Variants in PHACTR3 observed in about 807,000 individuals in gnomAD.
The protein encoded by PHACTR3 is phosphatase and actin regulator 3, also known as protein phosphatase 1, regulatory subunit 123.
In PHACTR3, 16 loss-of-function variants were observed where a neutral mutation model predicts 66.8. The observed-to-expected ratio is 0.24, with a 90% CI of 0.16 to 0.36. The LOEUF is 0.36. Among genes scored for constraint, PHACTR3 ranks in the 10% least tolerant of loss-of-function variants. PHACTR3 has a pLI of 1.00. For synonymous variants in PHACTR3, 323 were observed against 292.1 expected, an observed-to-expected ratio of 1.11 and a Z score of -1.08; for missense variants, 647 against 719.9, an observed-to-expected ratio of 0.90 and a Z score of 1.16.
intron 1 of PHACTR3, among the ~76,000 whole-genome samples, chr20:59,695,701 A>T (rs1272639425): frequency 6.6e-6 from 1 of 151,356 alleles, no homozygotes; most frequent in Admixed American, 6.6e-5. Context: ...GAAAATGGGG[A>T]GAGTAAGAGT....
intron 1 of PHACTR3, among the ~76,000 whole-genome samples, chr20:59,710,797 A>G (rs1202265162): frequency 6.6e-6 from 1 of 151,430 alleles, no homozygotes; most frequent in Non-Finnish European, 1.5e-5. Flanking sequence ...ATGTTCCTGC[A>G]TCATACCTTC....
rs117898793 is a variant in PHACTR3 at position 59,753,771 on chromosome 20, G to A, written c.359-1411G>A. The stretch of plus-strand genomic sequence containing the variant: ...GCACAAAACACCGTTTGCAGGTGGT[G>A]GGACGCATGATGGGGTGACTGTATA... On this transcript the variant is annotated intron_variant, in intron 3 of 12. Coordinates refer to ENST00000371015, the MANE Select transcript of PHACTR3 (RefSeq NM_080672.5). Among the ~76,000 whole-genome samples, 201 of 152,340 alleles carry A rather than the reference G, an allele frequency of 1.3e-3. 4 individuals carry two copies. The East Asian group carries it at 0.037, about 28-fold the overall frequency.
chr20:59,731,975 A>T (rs2038781628), intron 1 of PHACTR3, among the ~76,000 whole-genome samples: 3 of 152,188 alleles, frequency 2.0e-5, no homozygotes, highest in Admixed American at 6.5e-5. Flanking sequence ...AAACTATTTG[A>T]CAGCTTTTGT....
At chr20:59,749,827 ATTTTT>A (rs565191503) in intron 3 of PHACTR3, among the ~76,000 whole-genome samples, 1 of 151,318 alleles carries the variant, frequency 6.6e-6, no homozygotes, top group Admixed American at 6.6e-5. Flanking sequence ...TTTTCTTTTG[ATTTTT>A]TTTTCTTTTG....
intron 1 of PHACTR3, among the ~76,000 whole-genome samples, chr20:59,693,308 G>A (rs1045676818): frequency 6.6e-6 from 1 of 152,132 alleles, no homozygotes; most frequent in Admixed American, 6.5e-5. Flanking sequence ...TCTTCTCTTT[G>A]TTCTGGGAAT....
At chr20:59,747,908 CAGG>C in intron 3 of PHACTR3, 73 bp downstream of exon 3, 1 of 1,487,514 alleles carries the variant, frequency 6.7e-7, no homozygotes, top group Non-Finnish European at 9.3e-7. Context: ...CACATGAGCC[CAGG>C]AAGCCCATCA....
intron 1 of PHACTR3, among the ~76,000 whole-genome samples, chr20:59,590,537 C>A (rs6123917): frequency 0.037 from 5,604 of 152,202 alleles, 233 homozygotes; most frequent in East Asian, 0.2. Flanking sequence ...TTATTCTTTT[C>A]TTCACTGGGG....
chr20:59,769,176 A>T (rs1182354163), intron 5 of PHACTR3, among the ~76,000 whole-genome samples: 1 of 152,192 alleles, frequency 6.6e-6, no homozygotes, highest in African/African-American at 2.4e-5. Flanking sequence ...TTGACCTCAT[A>T]GCACCATGCG....
intron 9 of PHACTR3, 25 bp downstream of exon 9, chr20:59,836,585 A>G: frequency 1.9e-6 from 3 of 1,605,742 alleles, no homozygotes; most frequent in Non-Finnish European, 2.6e-6. Flanking sequence ...ATTCCTCTAG[A>G]GGTTTTCCTT....
intron 5 of PHACTR3, among the ~76,000 whole-genome samples, chr20:59,769,214 C>T (rs774267302): frequency 2.6e-5 from 4 of 152,238 alleles, no homozygotes; most frequent in African/African-American, 4.8e-5. Flanking sequence ...TACCACATTG[C>T]CCCACCTTGT....
chr20:59,632,008 C>T (rs1416121545), intron 1 of PHACTR3, among the ~76,000 whole-genome samples: 4 of 152,226 alleles, frequency 2.6e-5, no homozygotes, highest in Admixed American at 6.5e-5. Context: ...TGGAGTGTCC[C>T]TGCTTCTGAA....
chr20:59,606,397 T>C (rs1390907980), intron 1 of PHACTR3, among the ~76,000 whole-genome samples: 1 of 151,898 alleles, frequency 6.6e-6, no homozygotes, highest in Non-Finnish European at 1.5e-5. Flanking sequence ...TTGGTCAAAC[T>C]AAGGTACCGG....
At chr20:59,781,670 C>T (rs151085313) in intron 7 of PHACTR3, among the ~76,000 whole-genome samples, 67 of 152,266 alleles carry the variant, frequency 4.4e-4, no homozygotes, top group Non-Finnish European at 5.4e-4. Context: ...ATTAGGGGTA[C>T]CATGCTAATA....
intron 1 of PHACTR3, among the ~76,000 whole-genome samples, chr20:59,634,795 C>T (rs1239758525): frequency 6.6e-6 from 1 of 152,234 alleles, no homozygotes; most frequent in East Asian, 1.9e-4. Context: ...CCCGGGATTG[C>T]GCCGCTGGCC....
At chr20:59,758,142 G>A (rs1236391837) in intron 4 of PHACTR3, among the ~76,000 whole-genome samples, 1 of 152,072 alleles carries the variant, frequency 6.6e-6, no homozygotes, top group African/African-American at 2.4e-5. Flanking sequence ...GCCGTGCATG[G>A]TTCCCTGGGG....
At chr20:59,817,810 T>G (rs1447082480) in intron 8 of PHACTR3, among the ~76,000 whole-genome samples, 5 of 152,370 alleles carry the variant, frequency 3.3e-5, no homozygotes, top group Non-Finnish European at 7.3e-5. Flanking sequence ...TTCCTATTTT[T>G]AAAAGCAATG....
intron 4 of PHACTR3, among the ~76,000 whole-genome samples, chr20:59,758,360 T>A (rs2039881738): frequency 6.6e-6 from 1 of 152,208 alleles, no homozygotes; most frequent in South Asian, 2.1e-4. Context: ...ATGATAGAGA[T>A]TTGCTTTTTC....
At chr20:59,778,453 G>C (rs951780641) in intron 7 of PHACTR3, among the ~76,000 whole-genome samples, 3 of 152,192 alleles carry the variant, frequency 2.0e-5, no homozygotes, top group African/African-American at 7.2e-5. Flanking sequence ...AGGTGTGCAA[G>C]GCTCCACCGC....
At chr20:59,762,145 G>A (rs2040013588) in intron 4 of PHACTR3, among the ~76,000 whole-genome samples, 1 of 152,248 alleles carries the variant, frequency 6.6e-6, no homozygotes, top group Admixed American at 6.5e-5. Context: ...GGCAGGCTAA[G>A]GATGTGAGGG....
Sources: allele counts gnomAD v4.1 joint callset (sites outside exome capture counted in the v4.1 genomes callset), GRCh38; gene constraint gnomAD v4.1.1; transcripts MANE v1.5; gene names NCBI Gene and HGNC (gene_info 2026-07-23, HGNC 2026-07-21).